MET: variants seen among roughly 807,000 people sequenced by gnomAD.
The protein encoded by MET is hepatocyte growth factor receptor.
MET carries 48 observed loss-of-function variants against 133.1 expected under a neutral mutation model. The observed-to-expected ratio is 0.36, with a 90% CI of 0.29 to 0.46. The LOEUF is 0.46. Ranked by LOEUF, MET falls within the 20% of genes least tolerant of loss-of-function variation. The pLI is 1.00. For synonymous variants in MET, 628 were observed against 616.5 expected, an observed-to-expected ratio of 1.02 and a Z score of -0.28; for missense variants, 1,442 against 1,695.9, an observed-to-expected ratio of 0.85 and a Z score of 2.63.
intron 2 of MET, among the ~76,000 whole-genome samples, chr7:116,701,249 T>C (rs1171778468): frequency 2.6e-5 from 4 of 152,158 alleles, no homozygotes; most frequent in African/African-American, 4.8e-5. Flanking sequence ...ATGACCATCA[T>C]TGAATGAACA....
chr7:116,689,313 TA>T (rs2116525885), intron 1 of MET, among the ~76,000 whole-genome samples: 1 of 152,284 alleles, frequency 6.6e-6, no homozygotes, highest in African/African-American at 2.4e-5. Flanking sequence ...CAGAAAGCTT[TA>T]AAAACATTCT....
At chr7:116,772,079 A>AT in intron 14 of MET, 90 bp downstream of exon 14, 1 of 1,444,896 alleles carries the variant, frequency 6.9e-7, no homozygotes. Flanking sequence ...TTGCATTTAT[A>AT]TTTTTATAAA....
chr7:116,766,501 G>A (rs1213842740), intron 11 of MET, among the ~76,000 whole-genome samples: 1 of 152,178 alleles, frequency 6.6e-6, no homozygotes, highest in Non-Finnish European at 1.5e-5. Flanking sequence ...CTGCTGCCCA[G>A]AGCCAGCCAG....
chr7:116,755,263 T>A (rs1277039666), intron 5 of MET, 92 bp from the exon 6 acceptor site: 14 of 1,398,804 alleles, frequency 1.0e-5, no homozygotes, highest in East Asian at 7.3e-5. Context: ...TTCAGACTAT[T>A]TAAGGATATA....
chr7:116,760,339 T>C (rs1794350529), intron 10 of MET, among the ~76,000 whole-genome samples: 1 of 152,204 alleles, frequency 6.6e-6, no homozygotes, highest in South Asian at 2.1e-4. Flanking sequence ...AGAATATTTA[T>C]GTTATGTCCT....
chr7:116,678,711 CTTGGGACCAGCA>C (rs57789859), intron 1 of MET, among the ~76,000 whole-genome samples: 91,327 of 151,646 alleles, frequency 0.6, 29,338 homozygotes, highest in African/African-American at 0.83. Context: ...TTTGGCTTTG[CTTGGGACCAGCA>C]TTGGGACCAG....
At chr7:116,774,643 G>C (rs1346256946) in intron 14 of MET, among the ~76,000 whole-genome samples, 1 of 152,114 alleles carries the variant, frequency 6.6e-6, no homozygotes, top group East Asian at 1.9e-4. Flanking sequence ...TTTTGCTATT[G>C]ATAAAGAGAG....
intron 16 of MET, 85 bp from the exon 17 acceptor site, chr7:116,778,691 A>G (rs1395922943): frequency 2.9e-6 from 4 of 1,395,014 alleles, no homozygotes; most frequent in Non-Finnish European, 4.0e-6. Context: ...GTGGTTTACC[A>G]TTTCATTGCT....
intron 1 of MET, 110 bp from the exon 2 acceptor site, chr7:116,698,961 A>T: frequency 6.7e-7 from 1 of 1,492,088 alleles, no homozygotes. Flanking sequence ...CTTCTATGTA[A>T]AAGTCCAGTT....
intron 2 of MET, among the ~76,000 whole-genome samples, chr7:116,719,932 C>T (rs1049838936): frequency 2.6e-5 from 4 of 152,092 alleles, no homozygotes; most frequent in African/African-American, 9.7e-5. Context: ...GTGATGCCTC[C>T]AGCTTTGTTC....
chr7:116,727,479 C>CCCTT (rs369696160), intron 2 of MET, among the ~76,000 whole-genome samples: 126 of 152,228 alleles, frequency 8.3e-4, no homozygotes, highest in African/African-American at 2.5e-3. Context: ...TTTCCTCCCT[C>CCCTT]CCTTCCTTCC....
intron 2 of MET, among the ~76,000 whole-genome samples, chr7:116,717,296 G>C (rs1038339616): frequency 6.6e-6 from 1 of 152,130 alleles, no homozygotes; most frequent in African/African-American, 2.4e-5. Context: ...AGACAGTAAA[G>C]AGTTAAAATA....
intron 5 of MET, among the ~76,000 whole-genome samples, chr7:116,753,628 T>C (rs1050917546): frequency 6.6e-6 from 1 of 152,162 alleles, no homozygotes; most frequent in Admixed American, 6.6e-5. Context: ...AAAAATGAGA[T>C]ATAAAACAAT....
chr7:116,763,156 A>T lies in MET; in HGVS notation c.2471A>T (p.Asp824Val), dbSNP rs1446482547. The part of the protein sequence containing the change: ...PLKTKAFFML[D>V]GILSKYFDLI... ...AAAACCAAAGCCTTTTTCATGTTAG[A>T]TGGGATCCTTTCCAAATACTTTGAT... is the stretch of plus-strand genomic sequence containing the variant. The change falls in exon 11 of 21, where the codon GAT becomes GTT. Residue 824 changes from aspartate (D) to valine (V), a missense_variant. Asp to Val is a radical substitution (Grantham distance 152). This residue lies in a region of MET where 514 missense variants were observed against 659.6 expected (regional missense o/e 0.78). Coordinates refer to ENST00000397752, the MANE Select transcript of MET (RefSeq NM_000245.4). 1 of 1,614,010 alleles carries T rather than the reference A, an allele frequency of 6.2e-7. No homozygotes were observed. The highest frequency in any genetic ancestry group is 8.5e-7 in the Non-Finnish European group (1 of 1,179,950).
chr7:116,716,432 GAA>G (rs1252758173), intron 2 of MET, among the ~76,000 whole-genome samples: 1 of 143,870 alleles, frequency 7.0e-6, no homozygotes, highest in South Asian at 2.2e-4. Context: ...AGGAAGGAAA[GAA>G]AGAAGGAAAG....
intron 5 of MET, among the ~76,000 whole-genome samples, chr7:116,754,305 G>A (rs978843023): frequency 1.3e-5 from 2 of 152,112 alleles, no homozygotes; most frequent in Non-Finnish European, 2.9e-5. Flanking sequence ...CTCTGGGTGG[G>A]GAATACCATA....
Position 116,798,168 on chromosome 7 carries a change from A to G in MET, c.*2044A>G, listed in dbSNP as rs1447294010. 2.3e-5 allele frequency: 5 copies of G among 215,618 alleles called. No homozygotes were observed. Among genetic ancestry groups the G allele is most frequent in the Non-Finnish European group, 4.7e-5 (5 of 106,690 alleles). The allele number at this position is 215,618 out of a possible 1,614,324, so 13.4% of individuals were successfully genotyped here. ...CATCAACAGGACTACACACTTGTAT[A>G]TACATTCTTGAGAACACTGCAATGT... On this transcript the variant is annotated 3_prime_UTR_variant, in exon 21 of 21. Coordinates refer to ENST00000397752, the MANE Select transcript of MET (RefSeq NM_000245.4).
rs2116577248 is a variant in MET at position 116,699,066 on chromosome 7, G to C, written c.-14-5G>C. On this transcript the variant is annotated splice_polypyrimidine_tract_variant and splice_region_variant and intron_variant, in intron 1 of 20. Transcript: ENST00000397752. Reference sequence around the variant, plus strand: ...ACTGCTCTCGCCTTGAACCTGTTTTGGCAGATAAACCTCTCATAATGAAGG... The same window carrying C: ...ACTGCTCTCGCCTTGAACCTGTTTTCGCAGATAAACCTCTCATAATGAAGG... 6.2e-7 allele frequency: 1 copy of C among 1,613,606 alleles called. No individual in the cohort carries two copies. Among genetic ancestry groups the C allele is most frequent in the Non-Finnish European group, 8.5e-7 (1 of 1,179,784 alleles).
intron 19 of MET, among the ~76,000 whole-genome samples, chr7:116,789,686 C>G (rs545620910): frequency 6.6e-6 from 1 of 152,238 alleles, no homozygotes; most frequent in African/African-American, 2.4e-5. Context: ...AGTCTGTCTC[C>G]TTTTACTTCG....
Sources: gnomAD v4.1 joint callset for allele counts (sites outside exome capture counted in the v4.1 genomes callset) on GRCh38, gnomAD v4.1.1 for gene constraint, gnomAD v4.1.1 regional missense constraint, MANE v1.5 for transcripts, NCBI Gene and HGNC (gene_info 2026-07-23, HGNC 2026-07-21) for gene names.